Variants in IL15 observed in about 807,000 individuals in gnomAD.
IL15 encodes the protein interleukin 15.
IL15 carries 11 observed loss-of-function variants against 19.6 expected under a neutral mutation model. The ratio of observed to expected loss-of-function variants is 0.56; its 90% CI spans 0.35 to 0.93. The LOEUF is 0.93. Ranked by LOEUF, IL15 falls within the 40% of genes least tolerant of loss-of-function variation. The pLI is 0.01. For missense variants in IL15, 197 were observed against 186.5 expected (o/e 1.06, Z -0.33); for synonymous variants, 58 against 59.6 (o/e 0.97, Z 0.12).
intron 2 of IL15, among the ~76,000 whole-genome samples, chr4:141,677,070 A>G (rs1487315610): frequency 6.6e-6 from 1 of 152,248 alleles, no homozygotes; most frequent in Non-Finnish European, 1.5e-5. Context: ...TGAACAGTGG[A>G]AGAAAGATGC....
intron 1 of IL15, among the ~76,000 whole-genome samples, chr4:141,647,971 A>G (rs1727285935): frequency 6.6e-6 from 1 of 152,074 alleles, no homozygotes; most frequent in African/African-American, 2.4e-5. Flanking sequence ...GAAGGGCTGA[A>G]GTTTGAGAAA....
chr4:141,719,324 A>T, intron 2 of IL15, 42 bp from the exon 3 acceptor site: 1 of 559,532 alleles, frequency 1.8e-6, no homozygotes, highest in South Asian at 3.0e-5. Flanking sequence ...TCTTTTTCTT[A>T]CTAGTGCACT....
intron 1 of IL15, among the ~76,000 whole-genome samples, chr4:141,645,148 C>T (rs1727184618): frequency 6.6e-6 from 1 of 152,218 alleles, no homozygotes; most frequent in Middle Eastern, 3.4e-3. Context: ...GGGGGGCTTC[C>T]TATGAATTTT....
chr4:141,732,622 C>T, intron 7 of IL15, 116 bp from the exon 8 acceptor site: 1 of 1,344,372 alleles, frequency 7.4e-7, no homozygotes, highest in Non-Finnish European at 1.0e-6. Flanking sequence ...TTTGCTAAAG[C>T]TTTCATATCT....
At chr4:141,724,286 C>T (rs1730187656) in intron 5 of IL15, among the ~76,000 whole-genome samples, 1 of 151,768 alleles carries the variant, frequency 6.6e-6, no homozygotes, top group Admixed American at 6.6e-5. Context: ...TGAAATACAG[C>T]ATATCAAGAT....
chr4:141,689,704 T>C (rs1375589099), intron 2 of IL15, among the ~76,000 whole-genome samples: 2 of 152,044 alleles, frequency 1.3e-5, no homozygotes, highest in South Asian at 4.1e-4. Flanking sequence ...TTGAGCTAGA[T>C]ACAGAGTGCC....
At chr4:141,730,059 G>T in intron 7 of IL15, 75 bp downstream of exon 7, 1 of 1,184,008 alleles carries the variant, frequency 8.4e-7, no homozygotes. Flanking sequence ...TCATGGACAA[G>T]CAGATCCTCC....
At chr4:141,724,568 T>C (rs1439438606) in intron 5 of IL15, among the ~76,000 whole-genome samples, 3 of 57,070 alleles carry the variant, frequency 5.3e-5, no homozygotes, top group Non-Finnish European at 2.9e-5. Flanking sequence ...TGATCTTTAA[T>C]TGACAGAAAT....
Position 141,709,408 on chromosome 4 carries a change from A to G in IL15, c.-99-9958A>G, listed in dbSNP as rs530694141. Among the ~76,000 whole-genome samples, 8 of 152,316 alleles carry G rather than the reference A, an allele frequency of 5.3e-5. No individual in the cohort carries two copies. In the East Asian group the frequency reaches 1.2e-3, roughly 22 times the overall value. On this transcript the variant is annotated intron_variant, in intron 2 of 7. Coordinates refer to ENST00000320650, the MANE Select transcript of IL15 (RefSeq NM_000585.5). ...TCATTGTGTTTTTAAAATTTGCCCT[A>G]GGCATTGGTTTGCTGGAGCCAGCTC...
chr4:141,703,059 A>T (rs1189147054), intron 2 of IL15, among the ~76,000 whole-genome samples: 2 of 152,158 alleles, frequency 1.3e-5, no homozygotes, highest in Non-Finnish European at 2.9e-5. Context: ...AGTAAGCCTC[A>T]TCCAGCTCCT....
intron 2 of IL15, among the ~76,000 whole-genome samples, chr4:141,699,765 C>T (rs1729222829): frequency 6.6e-6 from 1 of 152,080 alleles, no homozygotes; most frequent in Non-Finnish European, 1.5e-5. Flanking sequence ...TGGTTAGTGG[C>T]TGTTTTATCC....
chr4:141,688,487 G>A (rs1199935157), intron 2 of IL15, among the ~76,000 whole-genome samples: 2 of 152,140 alleles, frequency 1.3e-5, no homozygotes, highest in African/African-American at 2.4e-5. Context: ...GTATACAAGA[G>A]TGCTATAATT....
intron 2 of IL15, among the ~76,000 whole-genome samples, chr4:141,661,935 G>C (rs1293328162): frequency 6.6e-6 from 1 of 151,942 alleles, no homozygotes; most frequent in Non-Finnish European, 1.5e-5. Context: ...TTGTTTTTCT[G>C]ATTTCTATTG....
chr4:141,732,876 C>T lies in IL15; in HGVS notation c.*28C>T. 6.3e-7 allele frequency: 1 copy of T among 1,595,886 alleles called. No homozygotes were observed. The highest frequency in any genetic ancestry group is 8.5e-7 in the Non-Finnish European group (1 of 1,173,896). On this transcript the variant is annotated 3_prime_UTR_variant, in exon 8 of 8. Coordinates refer to ENST00000320650, the MANE Select transcript of IL15 (RefSeq NM_000585.5). Reference sequence around the variant, plus strand: ...GCAATTGATTCTTTTTAAAGTGTTTCTGTTATTAACAAACATCACTCTGCT... The same window carrying T: ...GCAATTGATTCTTTTTAAAGTGTTTTTGTTATTAACAAACATCACTCTGCT...
At chr4:141,670,553 A>G (rs563570256) in intron 2 of IL15, among the ~76,000 whole-genome samples, 2 of 152,270 alleles carry the variant, frequency 1.3e-5, no homozygotes, top group Admixed American at 6.5e-5. Context: ...GTTTAAGTCT[A>G]TTTTCCTAAT....
At chr4:141,667,357 G>A (rs570170899) in intron 2 of IL15, among the ~76,000 whole-genome samples, 10 of 152,282 alleles carry the variant, frequency 6.6e-5, no homozygotes, top group Admixed American at 6.5e-4. Context: ...TGTGTGATCT[G>A]ATGCTGTCTC....
At chr4:141,704,885 G>A (rs1452535926) in intron 2 of IL15, among the ~76,000 whole-genome samples, 2 of 151,502 alleles carry the variant, frequency 1.3e-5, no homozygotes, top group African/African-American at 2.4e-5. Context: ...ATTCATAATA[G>A]TCTCTCATGA....
chr4:141,699,173 C>T (rs1248984062), intron 2 of IL15, among the ~76,000 whole-genome samples: 1 of 151,976 alleles, frequency 6.6e-6, no homozygotes, highest in African/African-American at 2.4e-5. Context: ...CAGTTTTATT[C>T]TACTGTGGTC....
At chr4:141,653,509 T>A (rs551203641) in intron 1 of IL15, among the ~76,000 whole-genome samples, 153 of 152,316 alleles carry the variant, frequency 1.0e-3, no homozygotes, top group African/African-American at 3.4e-3. Flanking sequence ...GCAAATGTTT[T>A]GTGCAGACAC....
Sources: allele counts gnomAD v4.1 joint callset (sites outside exome capture counted in the v4.1 genomes callset), GRCh38; gene constraint gnomAD v4.1.1; transcripts MANE v1.5; gene names NCBI Gene and HGNC (gene_info 2026-07-23, HGNC 2026-07-21).